Variants in GPSM2 observed in about 807,000 individuals in gnomAD.
The protein encoded by GPSM2 is G protein-signaling modulator 2.
GPSM2 carries 58 observed loss-of-function variants against 78.4 expected under a neutral mutation model. That is an observed-to-expected ratio of 0.74 (90% confidence interval 0.60 to 0.92). The LOEUF (loss-of-function observed/expected upper bound fraction) is 0.92, where lower values mean the gene tolerates loss of function less well. Among genes scored for constraint, GPSM2 ranks in the 40% least tolerant of loss-of-function variants. GPSM2 has a pLI of 0.00. For synonymous variants in GPSM2, 224 were observed against 280.2 expected (o/e 0.80, Z 2.00); for missense variants, 700 against 815.5 (o/e 0.86, Z 1.73).
At chr1:108,902,245 G>T (rs1021914994) in intron 8 of GPSM2, among the ~76,000 whole-genome samples, 1 of 152,036 alleles carries the variant, frequency 6.6e-6, no homozygotes, top group African/African-American at 2.4e-5. Flanking sequence ...GCCGGGTGTG[G>T]TGGCGCACGC....
In GPSM2 at chr1:108,906,287, G is replaced by A. The variant is rs189330985; in HGVS notation, c.1192+2033G>A. Among the ~76,000 whole-genome samples, 70 of 151,446 alleles carry A rather than the reference G, an allele frequency of 4.6e-4. 1 individual carries two copies. The East Asian group carries it at 9.7e-3, about 21-fold the overall frequency. ...AAGACAGAATCTCACTCTGTTGCCC[G>A]AGCTGGTCTCGAACTCTTGTCCTCA... On this transcript the variant is annotated intron_variant, in intron 10 of 14. Coordinates refer to ENST00000264126, the MANE Select transcript of GPSM2 (RefSeq NM_013296.5).
At chr1:108,884,879 G>A (rs1394667868) in intron 1 of GPSM2, among the ~76,000 whole-genome samples, 1 of 152,140 alleles carries the variant, frequency 6.6e-6, no homozygotes. Context: ...TATCTTCTTT[G>A]AAGAAATAAA....
rs1557868322 is a variant in GPSM2 at position 108,907,321 on chromosome 1, G to T, written c.1192+3067G>T. ...GTTTGGAATTTGATTTATACCATCT[G>T]CACAGTCTAAGAAACCCTAATCCAT... On this transcript the variant is annotated intron_variant, in intron 10 of 14. Coordinates refer to ENST00000264126, the MANE Select transcript of GPSM2 (RefSeq NM_013296.5). Among the ~76,000 whole-genome samples the T allele has an allele frequency of 2.6e-5, 4 of 152,166 alleles. No homozygotes were observed. In the South Asian group the frequency reaches 8.3e-4, roughly 32 times the overall value.
intron 1 of GPSM2, among the ~76,000 whole-genome samples, chr1:108,883,650 A>T (rs1304754303): frequency 6.6e-6 from 1 of 152,082 alleles, no homozygotes; most frequent in Non-Finnish European, 1.5e-5. Flanking sequence ...CTGTTATCTC[A>T]GAGGTTATAG....
At chr1:108,901,687 GACAGCAGAAA>G (rs1440398425) in intron 7 of GPSM2, 93 bp from the exon 8 acceptor site, 2 of 867,522 alleles carry the variant, frequency 2.3e-6, no homozygotes, top group Non-Finnish European at 2.0e-6. Flanking sequence ...GAGATTTAAA[GACAGCAGAAA>G]GCAGCAGAGA....
intron 1 of GPSM2, among the ~76,000 whole-genome samples, 181 bp from the exon 2 acceptor site, chr1:108,885,094 A>G (rs957435626): frequency 6.6e-6 from 1 of 152,194 alleles, no homozygotes; most frequent in Non-Finnish European, 1.5e-5. Flanking sequence ...CTCAAATCTC[A>G]TCTATTCCCA....
At chr1:108,929,442 C>T (rs1429179647) in intron 14 of GPSM2, 10 of 493,402 alleles carry the variant, frequency 2.0e-5, no homozygotes, top group Middle Eastern at 5.6e-4. Flanking sequence ...ACATAATGCA[C>T]GTACTAAACC....
At chr1:108,895,335 A>G (rs1438462377) in intron 2 of GPSM2, among the ~76,000 whole-genome samples, 1 of 152,368 alleles carries the variant, frequency 6.6e-6, no homozygotes. Flanking sequence ...AGAGCTTCTC[A>G]AAGAGTGATA....
intron 2 of GPSM2, among the ~76,000 whole-genome samples, chr1:108,889,563 A>T (rs569125925): frequency 6.6e-6 from 1 of 152,296 alleles, no homozygotes; most frequent in Non-Finnish European, 1.5e-5. Context: ...GAATGTTAAC[A>T]CAGTTCTTTG....
chr1:108,914,663 G>A (rs111442103), intron 11 of GPSM2, among the ~76,000 whole-genome samples: 43 of 152,198 alleles, frequency 2.8e-4, no homozygotes, highest in Admixed American at 2.6e-3. Context: ...TATAAGAAAC[G>A]GGCTAACAAT....
At chr1:108,921,606 C>G (rs11102650) in intron 12 of GPSM2, among the ~76,000 whole-genome samples, 18,401 of 152,146 alleles carry the variant, frequency 0.12, 1,297 homozygotes, top group African/African-American at 0.19. Flanking sequence ...GTATTGAATA[C>G]AAAGGCCTCT....
intron 2 of GPSM2, 95 bp downstream of exon 2, chr1:108,885,673 C>G: frequency 1.3e-6 from 1 of 794,088 alleles, no homozygotes; most frequent in South Asian, 1.4e-5. Flanking sequence ...TGAAAATACT[C>G]AAATATACCA....
At chr1:108,909,857 C>G (rs1649565048) in intron 10 of GPSM2, 2 of 127,766 alleles carry the variant, frequency 1.6e-5, no homozygotes, top group South Asian at 5.4e-4. Context: ...GAGCCGAGAT[C>G]ACACCACTGC....
chr1:108,922,021 G>A (rs1438228337), intron 12 of GPSM2, among the ~76,000 whole-genome samples: 1 of 151,238 alleles, frequency 6.6e-6, no homozygotes, highest in African/African-American at 2.4e-5. Flanking sequence ...AAAGACCTTA[G>A]AAATCACTAT....
At chr1:108,902,294 T>C (rs1399980672) in intron 8 of GPSM2, among the ~76,000 whole-genome samples, 1 of 151,270 alleles carries the variant, frequency 6.6e-6, no homozygotes, top group Non-Finnish European at 1.5e-5. Context: ...GGCAGGAGAA[T>C]CGCTTGAACC....
chr1:108,915,246 C>G (rs749266234), intron 11 of GPSM2, among the ~76,000 whole-genome samples: 47 of 150,224 alleles, frequency 3.1e-4, no homozygotes, highest in Non-Finnish European at 5.5e-4. Context: ...TGGTGTCCGC[C>G]TATAGTCCCA....
At position 108,931,184 on chromosome 1, in the gene GPSM2, G is replaced by A. The variant is rs149700491; in HGVS notation, c.*1244G>A. On this transcript the variant is annotated 3_prime_UTR_variant, in exon 15 of 15. Transcript: ENST00000264126. ...TATAAAAACAAAAAACAAAACCCAT[G>A]TGGTTAGGTCAAGAACCTAGGACAC... 13,919 of 912,980 alleles carry A rather than the reference G, an allele frequency of 0.015. 269 individuals are homozygous for A. The highest frequency in any genetic ancestry group is 0.096 in the Admixed American group (2,873 of 29,994). 56.6% of individuals were successfully genotyped at this position (912,980 alleles called of 1,614,324 possible). A position where few individuals can be genotyped will look rare whatever the true frequency, so the allele number is the denominator to read the frequency against.
intron 12 of GPSM2, among the ~76,000 whole-genome samples, 185 bp from the exon 13 acceptor site, chr1:108,922,232 T>G (rs577755606): frequency 1.1e-4 from 16 of 152,208 alleles, no homozygotes; most frequent in Non-Finnish European, 2.2e-4. Context: ...AAAAATGAAG[T>G]GCTTTTTGTT....
rs1294588975 is a variant in GPSM2 at position 108,898,108 on chromosome 1, A to C, written c.557+7A>C. On this transcript the variant is annotated splice_region_variant and intron_variant, in intron 5 of 14. Coordinates refer to ENST00000264126, the MANE Select transcript of GPSM2 (RefSeq NM_013296.5). Reference sequence around the variant, plus strand: ...CAGCCGTGGATTTTTATGAGTGAGTAGGGGCTGATATGGGCAGTCATGTAG... The same window carrying C: ...CAGCCGTGGATTTTTATGAGTGAGTCGGGGCTGATATGGGCAGTCATGTAG... 2 of 1,613,346 alleles carry C rather than the reference A, an allele frequency of 1.2e-6. No individual in the cohort carries two copies. The highest frequency in any genetic ancestry group is 1.7e-6 in the Non-Finnish European group (2 of 1,179,310).
Sources: allele counts gnomAD v4.1 joint callset (sites outside exome capture counted in the v4.1 genomes callset), GRCh38; gene constraint gnomAD v4.1.1; transcripts MANE v1.5; gene names NCBI Gene and HGNC (gene_info 2026-07-23, HGNC 2026-07-21).